ADCY9: variants seen among roughly 807,000 people sequenced by gnomAD.
ADCY9 encodes the protein adenylate cyclase 9.
A neutral mutation model predicts 101.5 loss-of-function variants in ADCY9; 50 were observed. That is an observed-to-expected ratio of 0.49 (90% CI 0.39 to 0.62). ADCY9 has a LOEUF of 0.62. Ranked by LOEUF, ADCY9 falls within the 20% of genes least tolerant of loss-of-function variation. The pLI, the probability that ADCY9 is intolerant of heterozygous loss-of-function variation, is 0.00. For missense variants in ADCY9, 1,662 were observed against 1,800.4 expected (o/e 0.92, Z 1.39); for synonymous variants, 905 against 769.3 (o/e 1.18, Z -2.92).
chr16:4,070,090 T>G (rs1387996780), intron 2 of ADCY9, among the ~76,000 whole-genome samples: 1 of 149,192 alleles, frequency 6.7e-6, no homozygotes, highest in African/African-American at 2.5e-5. Context: ...AGAGTGAGAC[T>G]CTGTCTCAAA....
intron 2 of ADCY9, among the ~76,000 whole-genome samples, chr16:4,049,456 G>T (rs1214340794): frequency 1.3e-5 from 2 of 152,086 alleles, no homozygotes; most frequent in African/African-American, 4.8e-5. Context: ...CAAGGATGCT[G>T]GCTAATCAAA....
At chr16:4,007,922 T>G (rs1378981885) in intron 2 of ADCY9, among the ~76,000 whole-genome samples, 1 of 152,200 alleles carries the variant, frequency 6.6e-6, no homozygotes, top group Non-Finnish European at 1.5e-5. Flanking sequence ...TGCTTTGGTT[T>G]ATTTCCATCT....
At chr16:4,099,631 T>C (rs1597225946) in intron 2 of ADCY9, among the ~76,000 whole-genome samples, 1 of 152,190 alleles carries the variant, frequency 6.6e-6, no homozygotes, top group East Asian at 1.9e-4. Context: ...GGGGCTCCCA[T>C]GGGCCCCAAA....
intron 2 of ADCY9, among the ~76,000 whole-genome samples, chr16:4,102,561 G>C (rs1483884008): frequency 6.6e-6 from 1 of 152,136 alleles, no homozygotes; most frequent in Non-Finnish European, 1.5e-5. Context: ...GAGTAGCTGG[G>C]ACCACAGGCA....
chr16:4,054,575 CTT>C (rs913079110), intron 2 of ADCY9, among the ~76,000 whole-genome samples: 4 of 146,402 alleles, frequency 2.7e-5, no homozygotes, highest in African/African-American at 2.5e-5. Context: ...GGATTTTTTT[CTT>C]TTTTTTTTTT....
At chr16:3,978,439 C>T (rs1393702697) in intron 8 of ADCY9, among the ~76,000 whole-genome samples, 1 of 152,296 alleles carries the variant, frequency 6.6e-6, no homozygotes, top group African/African-American at 2.4e-5. Flanking sequence ...CAGCAGCAGC[C>T]GACCCGGGCA....
At chr16:4,099,394 G>A (rs2057028381) in intron 2 of ADCY9, among the ~76,000 whole-genome samples, 1 of 152,160 alleles carries the variant, frequency 6.6e-6, no homozygotes, top group African/African-American at 2.4e-5. Flanking sequence ...CGTTTCTTGG[G>A]TGGCATTATT....
In ADCY9 at chr16:4,115,387, C is replaced by T. The variant is rs771001767; in HGVS notation, c.56G>A (p.Cys19Tyr). 6.3e-7 allele frequency: 1 copy of T among 1,597,216 alleles called. No homozygotes were observed. The highest frequency in any genetic ancestry group is 8.5e-7 in the Non-Finnish European group (1 of 1,172,580). ...LLHHHSTEVS[C>Y]DSSGDSNSVR... ...GCTGTTGCTGTCCCCGCTGGAGTCG[C>T]AGCTCACCTCGGTGCTGTGGTGATG... The change falls in exon 2 of 11, where the codon TGC becomes TAC. Residue 19 changes from cysteine (C) to tyrosine (Y), a missense_variant. Cys to Tyr is a radical substitution (Grantham distance 194). This residue lies in a region of ADCY9 where 422 missense variants were observed against 392.0 expected (regional missense o/e 1.08). Transcript: ENST00000294016. The surrounding 1 kb of genome is among the most constrained non-coding windows in gnomAD (Gnocchi z 6.2).
chr16:3,983,195 G>A (rs1227814336), intron 7 of ADCY9, 37 bp downstream of exon 7: 23 of 1,520,118 alleles, frequency 1.5e-5, no homozygotes, highest in African/African-American at 4.1e-5. Context: ...GGGAGCTAAC[G>A]GCTCAGAGCT....
chr16:4,028,920 G>A (rs2141751814), intron 2 of ADCY9, among the ~76,000 whole-genome samples: 1 of 152,064 alleles, frequency 6.6e-6, no homozygotes, highest in African/African-American at 2.4e-5. Context: ...GAGTAGCTAG[G>A]ACTACAGGCA....
At chr16:3,982,889 C>A in intron 7 of ADCY9, 1 of 304,598 alleles carries the variant, frequency 3.3e-6, no homozygotes, top group Non-Finnish European at 6.1e-6. Context: ...AGGCCCACTA[C>A]CCCCGCTCAT....
At chr16:3,975,261 C>A (rs2056084488) in intron 9 of ADCY9, among the ~76,000 whole-genome samples, 1 of 152,160 alleles carries the variant, frequency 6.6e-6, no homozygotes, top group African/African-American at 2.4e-5. Context: ...GATGGCCATA[C>A]CTTCAGAAAA....
At chr16:4,078,299 T>G (rs2056880387) in intron 2 of ADCY9, among the ~76,000 whole-genome samples, 2 of 152,192 alleles carry the variant, frequency 1.3e-5, no homozygotes, top group South Asian at 4.1e-4. Context: ...CAATGGTTCA[T>G]GCTTGTTATC....
intron 2 of ADCY9, among the ~76,000 whole-genome samples, chr16:4,013,083 C>T (rs995503110): frequency 6.6e-6 from 1 of 152,000 alleles, no homozygotes; most frequent in Non-Finnish European, 1.5e-5. Flanking sequence ...GAGATCCCAT[C>T]TCTATAAAAA....
Position 4,113,996 on chromosome 16 carries a change from T to A in ADCY9, c.1447A>T (p.Met483Leu), listed in dbSNP as rs1442487024. 6.2e-7 allele frequency: 1 copy of A among 1,613,758 alleles called. No homozygotes were observed. The highest frequency in any genetic ancestry group is 8.5e-7 in the Non-Finnish European group (1 of 1,180,034). The change falls in exon 2 of 11, where the codon ATG becomes TTG. Residue 483 changes from methionine to leucine, a missense_variant. Physicochemically the swap from Met to Leu is conservative, Grantham distance 15. This residue lies in a region of ADCY9 where 228 missense variants were observed against 301.1 expected (regional missense o/e 0.76). Coordinates refer to ENST00000294016, the MANE Select transcript of ADCY9 (RefSeq NM_001116.4). ...IEQFCQEKKEMVNMRVGVHTG... is the reference protein window; with the variant it reads ...IEQFCQEKKELVNMRVGVHTG... ...TGCACCCCGACTCTCATGTTCACCA[T>A]CTCCTTCTTCTCCTGGCAGAACTGC...
At chr16:4,037,177 G>T (rs2056595767) in intron 2 of ADCY9, among the ~76,000 whole-genome samples, 1 of 152,060 alleles carries the variant, frequency 6.6e-6, no homozygotes, top group Non-Finnish European at 1.5e-5. Context: ...AATTAGACAG[G>T]CATGGTGGTA....
intron 8 of ADCY9, among the ~76,000 whole-genome samples, 180 bp downstream of exon 8, chr16:3,978,936 C>T (rs1025466727): frequency 6.6e-6 from 1 of 152,100 alleles, no homozygotes. Flanking sequence ...AGGATGGTCT[C>T]GATCTCTTGA....
chr16:4,022,222 T>C (rs1325521898), intron 2 of ADCY9, among the ~76,000 whole-genome samples: 1 of 152,132 alleles, frequency 6.6e-6, no homozygotes, highest in Non-Finnish European at 1.5e-5. Context: ...CCAGGCATGG[T>C]GGCTCATGCT....
chr16:3,989,377 T>TG (rs371837975), intron 5 of ADCY9, among the ~76,000 whole-genome samples: 3,016 of 150,334 alleles, frequency 0.02, 72 homozygotes, highest in East Asian at 0.06. Context: ...CTTGGTTTTT[T>TG]GGGGTTTTTT....
Sources: gnomAD v4.1 joint callset for allele counts (sites outside exome capture counted in the v4.1 genomes callset) on GRCh38, gnomAD v4.1.1 for gene constraint, gnomAD v4.1.1 regional missense constraint, Gnocchi (gnomAD v3.1) non-coding constraint, MANE v1.5 for transcripts, NCBI Gene and HGNC (gene_info 2026-07-23, HGNC 2026-07-21) for gene names.